Variants in HOXC5 observed in about 807,000 individuals in gnomAD.
HOXC5 encodes the protein homeobox C5.
Under a neutral mutation model 20.1 loss-of-function variants are expected in HOXC5, and 19 were observed. That is an observed-to-expected ratio of 0.94 (90% CI 0.66 to 1.38). The LOEUF is 1.38. Ranked by LOEUF, HOXC5 falls within the 40% of genes most tolerant of loss-of-function variation. The pLI, the probability that HOXC5 is intolerant of heterozygous loss-of-function variation, is 0.00. For synonymous variants in HOXC5, 124 were observed against 117.0 expected, an observed-to-expected ratio of 1.06 and a Z score of -0.39; for missense variants, 330 against 300.1, an observed-to-expected ratio of 1.10 and a Z score of -0.74.
At chr12:54,028,994 G>C, upstream of HOXC5, 4 of 1,443,888 alleles carry the variant, frequency 2.8e-6, no homozygotes, top group Non-Finnish European at 3.7e-6. Context: ...CTAGAAGAAC[G>C]GGCGGAGAGA....
At chr12:54,028,771 C>T (rs767298048), upstream of HOXC5, 7 of 1,614,044 alleles carry the variant, frequency 4.3e-6, no homozygotes, top group East Asian at 1.6e-4. Context: ...GAAAGACATG[C>T]TCTCAAACTG....
upstream of HOXC5, chr12:54,029,756 C>A (rs759420807): frequency 1.2e-6 from 2 of 1,614,036 alleles, no homozygotes; most frequent in Non-Finnish European, 1.7e-6. Flanking sequence ...CTACCTAACG[C>A]GGCGCCGGCG....
chr12:54,027,626 C>G, the HOXC5 span, among the ~76,000 whole-genome samples: 1 of 143,438 alleles, frequency 7.0e-6, no homozygotes, highest in Non-Finnish European at 1.5e-5. Flanking sequence ...TTCTTTTTCT[C>G]CTTTTTCTAT....
the HOXC5 span, chr12:54,017,416 T>C: frequency 6.6e-6 from 1 of 151,794 alleles, no homozygotes; most frequent in Admixed American, 6.6e-5. Flanking sequence ...CAGCGCTCGG[T>C]AAGTGTTTCC....
chr12:54,027,896 A>C, the HOXC5 span, among the ~76,000 whole-genome samples: 2 of 151,846 alleles, frequency 1.3e-5, no homozygotes, highest in African/African-American at 2.4e-5. Flanking sequence ...ATTTCTTTCT[A>C]CTTTTGATTT....
the HOXC5 span, chr12:54,020,816 G>C: frequency 6.6e-6 from 1 of 152,140 alleles, no homozygotes; most frequent in African/African-American, 2.4e-5. Context: ...TGCCATAAAG[G>C]CTTTCTCAGA....
Position 54,034,516 on chromosome 12 carries a change from G to A in HOXC5, c.*24G>A, listed in dbSNP as rs1941128007. On this transcript the variant is annotated 3_prime_UTR_variant, in exon 2 of 2. Coordinates refer to ENST00000312492, the MANE Select transcript of HOXC5 (RefSeq NM_018953.4). ...AGAGGCAGCGGGGGAGGCCCGCAGA[G>A]CGCGCCCCTAGCCGGTTCCTGTCCC... is the stretch of plus-strand genomic sequence containing the variant. 8 of 1,594,054 alleles carry A rather than the reference G, an allele frequency of 5.0e-6. No individual in the cohort carries two copies. The highest frequency in any genetic ancestry group is 5.2e-6 in the Non-Finnish European group (6 of 1,164,050).
chr12:54,028,627 C>T (rs1196993781), upstream of HOXC5: 1 of 1,614,026 alleles, frequency 6.2e-7, no homozygotes, highest in Non-Finnish European at 8.5e-7. Flanking sequence ...TCCAGTGAGG[C>T]ATTTCTCGAC....
the HOXC5 span, among the ~76,000 whole-genome samples, chr12:54,023,733 C>A: frequency 1.5e-4 from 23 of 152,324 alleles, no homozygotes; most frequent in Middle Eastern, 0.014. Flanking sequence ...AATTTCACTT[C>A]TCTCCATGCC....
At chr12:54,031,538 C>T (rs1346527542), upstream of HOXC5, among the ~76,000 whole-genome samples, 1 of 152,176 alleles carries the variant, frequency 6.6e-6, no homozygotes, top group South Asian at 2.1e-4. Context: ...GGAGCGCAGC[C>T]GGACCCTAAC....
rs143274247 is a variant in HOXC5, at chr12:54,034,483, G to A, written c.660G>A (p.Glu220=). 1.3e-4 allele frequency: 203 copies of A among 1,613,856 alleles called. 1 individual carries two copies. The Middle Eastern group carries it at 1.9e-3, about 15-fold the overall frequency. Residue 220 remains glutamate (E), a synonymous_variant, in exon 2 of 2, where the codon GAG becomes GAA. Transcript: ENST00000312492. ...WKKDSKMKSK[E]AL ...AAGATTCCAAAATGAAAAGCAAAGAGGCTCTTTAGAGGCAGCGGGGGAGGC... is the reference window on the plus strand; with the variant it reads ...AAGATTCCAAAATGAAAAGCAAAGAAGCTCTTTAGAGGCAGCGGGGGAGGC...
At chr12:54,017,528 G>A in the HOXC5 span, 1 of 152,046 alleles carries the variant, frequency 6.6e-6, no homozygotes, top group South Asian at 2.1e-4. Context: ...CGAGAGGGTG[G>A]GCGCGTAGTT....
chr12:54,031,377 C>G (rs1311207022), upstream of HOXC5, among the ~76,000 whole-genome samples: 4 of 152,182 alleles, frequency 2.6e-5, no homozygotes, highest in Non-Finnish European at 4.4e-5. Context: ...TTGAGCGATT[C>G]AAGGACATCT....
chr12:54,019,256 C>A, the HOXC5 span, among the ~76,000 whole-genome samples: 2 of 131,708 alleles, frequency 1.5e-5, no homozygotes, highest in African/African-American at 5.7e-5. Context: ...TGTTTACGAT[C>A]GAGAAAAGCG....
chr12:54,023,874 G>A, the HOXC5 span, among the ~76,000 whole-genome samples: 40 of 152,306 alleles, frequency 2.6e-4, no homozygotes, highest in Non-Finnish European at 4.9e-4. Context: ...ATGCTTTGGT[G>A]TTCCCAAACA....
the HOXC5 span, chr12:54,022,488 C>G: frequency 6.6e-6 from 1 of 152,106 alleles, no homozygotes; most frequent in Non-Finnish European, 1.5e-5. Context: ...ATTCTCATTT[C>G]TGAAATTAAT....
At chr12:54,018,031 A>G in the HOXC5 span, among the ~76,000 whole-genome samples, 1 of 151,930 alleles carries the variant, frequency 6.6e-6, no homozygotes, top group South Asian at 2.1e-4. Context: ...ATTGGCAATT[A>G]GGGGGGAGGC....
upstream of HOXC5, chr12:54,028,662 C>T (rs1299564177): frequency 1.9e-6 from 3 of 1,614,040 alleles, no homozygotes; most frequent in Admixed American, 3.3e-5. Context: ...TTGCCCAGAA[C>T]CGGATCTACT....
At chr12:54,031,149 G>T (rs1241284706), upstream of HOXC5, among the ~76,000 whole-genome samples, 1 of 152,388 alleles carries the variant, frequency 6.6e-6, no homozygotes, top group East Asian at 1.9e-4. Flanking sequence ...GTGGCAGCCG[G>T]TGTCCTCGGC....
Sources: gnomAD v4.1 joint callset for allele counts (sites outside exome capture counted in the v4.1 genomes callset) on GRCh38, gnomAD v4.1.1 for gene constraint, MANE v1.5 for transcripts, NCBI Gene and HGNC (gene_info 2026-07-23, HGNC 2026-07-21) for gene names.